Variants in PRSS1 observed in about 807,000 individuals in gnomAD.
PRSS1 encodes TCR V beta 4.1.
Under a neutral mutation model 24.2 loss-of-function variants are expected in PRSS1, and 22 were observed. The observed-to-expected ratio is 0.91, with a 90% CI of 0.65 to 1.30. The LOEUF is 1.30. PRSS1 is among the 50% of genes most tolerant of loss of function. The pLI is 0.00. For synonymous variants in PRSS1, 126 were observed against 116.1 expected, an observed-to-expected ratio of 1.08 and a Z score of -0.55; for missense variants, 366 against 304.2, an observed-to-expected ratio of 1.20 and a Z score of -1.51.
intron 4 of PRSS1, 126 bp downstream of exon 4, chr7:142,752,693 G>A (rs1467193484): frequency 5.2e-6 from 8 of 1,534,072 alleles, no homozygotes; most frequent in African/African-American, 1.4e-5. Context: ...ATGGAGAAGT[G>A]AGGAAGACTC....
At chr7:142,752,136 A>G in intron 3 of PRSS1, 109 bp downstream of exon 3, 2 of 1,527,350 alleles carry the variant, frequency 1.3e-6, no homozygotes, top group Non-Finnish European at 1.8e-6. Context: ...ACACATTTCG[A>G]GTGCCCATTA....
chr7:142,750,584 A>C lies in PRSS1; in HGVS notation c.70A>C (p.Ile24Leu), dbSNP rs774960689. 1.3e-5 allele frequency: 21 copies of C among 1,614,016 alleles called. No individual in the cohort carries two copies. In the Admixed American group the frequency reaches 2.0e-4, roughly 15 times the overall value. Residue 24 changes from isoleucine to leucine, a missense_variant, in exon 2 of 5, where the codon ATC becomes CTC. Transcript: ENST00000311737. Reference protein sequence around the residue: ...LAAPFDDDDKIVGGYNCEENS... With the variant: ...LAAPFDDDDKLVGGYNCEENS... The stretch of plus-strand genomic sequence containing the variant: ...TGCCCCCTTTGATGATGATGACAAG[A>C]TCGTTGGGGGCTACAACTGTGAGGA...
Position 142,750,733 on chromosome 7 carries a change from A to G in PRSS1, c.200+19A>G, listed in dbSNP as rs1450948634. 1.2e-6 allele frequency: 2 copies of G among 1,613,672 alleles called. No individual in the cohort carries two copies. Among genetic ancestry groups the G allele is most frequent in the Admixed American group, 3.3e-5 (2 of 59,976 alleles). ...ACAAGTCGTAAGTGTGGGGCCCCCG[A>G]CTGCAAAGCTCCCGGCCAGTCTGCC... On this transcript the variant is annotated intron_variant, in intron 2 of 4. Transcript: ENST00000311737.
chr7:142,751,250 C>T, intron 2 of PRSS1: 2 of 618,158 alleles, frequency 3.2e-6, no homozygotes, highest in Non-Finnish European at 2.9e-6. Context: ...TCACTGGGCC[C>T]CTTCCCCAAG....
chr7:142,750,714 C>T lies in PRSS1; in HGVS notation c.200C>T (p.Ser67Phe), dbSNP rs765342413. 25 of 1,613,660 alleles carry T rather than the reference C, an allele frequency of 1.5e-5. No homozygotes were observed. The highest frequency in any genetic ancestry group is 5.3e-5 in the African/African-American group (4 of 74,784). The change falls in exon 2 of 5, where the codon TCC becomes TTC. Residue 67 changes from serine to phenylalanine, a missense_variant and splice_region_variant. Ser to Phe is a radical substitution (Grantham distance 155). Coordinates refer to ENST00000311737, the MANE Select transcript of PRSS1 (RefSeq NM_002769.5). Reference sequence around the variant, plus strand: ...GTATCAGCAGGCCACTGCTACAAGTCGTAAGTGTGGGGCCCCCGACTGCAA... The same window carrying T: ...GTATCAGCAGGCCACTGCTACAAGTTGTAAGTGTGGGGCCCCCGACTGCAA... ...WVVSAGHCYK[S>F]RIQVRLGEHN... is the part of the protein sequence containing the mutation.
chr7:142,751,301 T>C, intron 2 of PRSS1: 1 of 600,198 alleles, frequency 1.7e-6, no homozygotes. Context: ...AGAATTCACA[T>C]TTCTAACAAG....
chr7:142,749,802 G>T (rs1038293306), intron 1 of PRSS1, among the ~76,000 whole-genome samples: 3 of 152,186 alleles, frequency 2.0e-5, no homozygotes, highest in Non-Finnish European at 2.9e-5. Flanking sequence ...AAATGAAGCA[G>T]CAGGCTTCAG....
At chr7:142,751,527 A>G in intron 2 of PRSS1, 1 of 645,812 alleles carries the variant, frequency 1.5e-6, no homozygotes, top group Non-Finnish European at 2.6e-6. Flanking sequence ...CAGGTTGAGG[A>G]GCAGCCTCTG....
chr7:142,752,492 A>T lies in PRSS1; in HGVS notation c.516A>T (p.Glu172Asp). The T allele has an allele frequency of 3.1e-6, 5 of 1,614,178 alleles. No homozygotes were observed. The highest frequency in any genetic ancestry group is 4.2e-6 in the Non-Finnish European group (5 of 1,180,012). Residue 172 changes from glutamate to aspartate, a missense_variant, in exon 4 of 5, where the codon GAA becomes GAT. Physicochemically the swap from Glu to Asp is conservative, Grantham distance 45 (BLOSUM62 2). Transcript: ENST00000311737. ...CTGTGCTGAGCCAGGCTAAGTGTGA[A>T]GCCTCCTACCCTGGAAAGATTACCA... The part of the protein sequence containing the change: ...DAPVLSQAKC[E>D]ASYPGKITSN...
chr7:142,751,096 A>T, intron 2 of PRSS1: 1 of 702,812 alleles, frequency 1.4e-6, no homozygotes, highest in Non-Finnish European at 2.6e-6. Context: ...TTTCAGGAAG[A>T]GGGTGTGAAT....
At chr7:142,751,014 T>TAAAGCCAACTAAG in intron 2 of PRSS1, 2 of 705,116 alleles carry the variant, frequency 2.8e-6, no homozygotes, top group South Asian at 3.0e-5. Context: ...AGCTACACAT[T>TAAAGCCAACTAAG]AAAGCCAACT....
rs1268009079 is a variant in PRSS1, at chr7:142,750,546, C to A, written c.41-9C>A. On this transcript the variant is annotated splice_polypyrimidine_tract_variant and intron_variant, in intron 1 of 4. Transcript: ENST00000311737. ...TGACTTGCCTTCTCCCTTCCCATCT[C>A]CACTCCAGTTGCTGCCCCCTTTGAT... 2 of 1,614,030 alleles carry A rather than the reference C, an allele frequency of 1.2e-6. No individual in the cohort carries two copies. Among genetic ancestry groups the A allele is most frequent in the Non-Finnish European group, 1.7e-6 (2 of 1,179,868 alleles).
At position 142,752,466 on chromosome 7, in the gene PRSS1, C is replaced by A. The variant is rs760120835; in HGVS notation, c.490C>A (p.Pro164Thr). 1 of 1,614,144 alleles carries A rather than the reference C, an allele frequency of 6.2e-7. No individual in the cohort carries two copies. Among genetic ancestry groups the A allele is most frequent in the East Asian group, 2.2e-5 (1 of 44,866 alleles). Residue 164 changes from proline to threonine, a missense_variant, in exon 4 of 5, where the codon CCT (proline) becomes ACT (threonine). By Grantham distance (38) the Pro-to-Thr change is conservative. Transcript: ENST00000311737. ...YPDELQCLDA[P>T]VLSQAKCEAS... ...AGACGAGCTGCAGTGCCTGGATGCT[C>A]CTGTGCTGAGCCAGGCTAAGTGTGA...
At position 142,752,384 on chromosome 7, in the gene PRSS1, C is replaced by T. The variant is rs184783575; in HGVS notation, c.455-47C>T. On this transcript the variant is annotated intron_variant, in intron 3 of 4. Transcript: ENST00000311737. ...CCAAGATTATTGTCTCCTTCTCTGG[C>T]CTGACCCACATTTCTACTTCCTTTG... 7.0e-5 allele frequency: 112 copies of T among 1,606,036 alleles called. No homozygotes were observed. The African/African-American group carries it at 1.4e-3, about 20-fold the overall frequency.
chr7:142,750,483 G>A, intron 1 of PRSS1, 72 bp from the exon 2 acceptor site: 2 of 1,606,920 alleles, frequency 1.2e-6, no homozygotes, highest in Non-Finnish European at 1.7e-6. Flanking sequence ...TTAGCAGAAA[G>A]CAATCACAGG....
rs1405325443 is a variant in PRSS1 at position 142,750,409 on chromosome 7, A to G, written c.41-146A>G. On this transcript the variant is annotated intron_variant, in intron 1 of 4. Coordinates refer to ENST00000311737, the MANE Select transcript of PRSS1 (RefSeq NM_002769.5). The stretch of plus-strand genomic sequence containing the variant: ...GACTTGGGAGCCACAGGCAGTGATG[A>G]TCACCAGGGGTGGCAGAGCTCCCTC... 5 of 581,662 alleles carry G rather than the reference A, an allele frequency of 8.6e-6. No homozygotes were observed. In the African/African-American group the frequency reaches 1.0e-4, roughly 12 times the overall value. 36.0% of individuals were successfully genotyped at this position (581,662 alleles called of 1,614,324 possible). A position where few individuals can be genotyped will look rare whatever the true frequency, so the allele number is the denominator to read the frequency against.
chr7:142,751,318 G>A (rs1798704246), intron 2 of PRSS1: 1 of 598,490 alleles, frequency 1.7e-6, no homozygotes, highest in South Asian at 2.0e-5. Context: ...CAAGTTCCCA[G>A]GAGATGCTAA....
chr7:142,750,967 G>A lies in PRSS1; in HGVS notation c.200+253G>A, dbSNP rs753066493. 5.5e-6 allele frequency: 4 copies of A among 731,758 alleles called. No homozygotes were observed. In the East Asian group the frequency reaches 1.1e-4, roughly 20 times the overall value. 45.3% of individuals were successfully genotyped at this position (731,758 alleles called of 1,614,324 possible). A position where few individuals can be genotyped will look rare whatever the true frequency, so the allele number is the denominator to read the frequency against. On this transcript the variant is annotated intron_variant, in intron 2 of 4. Transcript: ENST00000311737. ...CAGGGATGATCTTGGGGTGGTGAGA[G>A]CTAGTGAGAAAAGCAGGCAAGTATC...
chr7:142,751,572 C>T, intron 2 of PRSS1: 1 of 946,552 alleles, frequency 1.1e-6, no homozygotes, highest in Non-Finnish European at 1.6e-6. Context: ...ACCCCACTAC[C>T]ACCAACCTCT....
Sources: gnomAD v4.1 joint callset for allele counts (sites outside exome capture counted in the v4.1 genomes callset) on GRCh38, gnomAD v4.1.1 for gene constraint, MANE v1.5 for transcripts, NCBI Gene and HGNC (gene_info 2026-07-23, HGNC 2026-07-21) for gene names.